The following COQ9 variants were observed in gnomAD, a reference collection of about 807,000 sequenced individuals.
COQ9 encodes ubiquinone biosynthesis protein COQ9, mitochondrial.
A neutral mutation model predicts 42.4 loss-of-function variants in COQ9; 35 were observed. That is an observed-to-expected ratio of 0.83 (90% CI 0.63 to 1.10). COQ9 has a LOEUF of 1.10. Among genes scored for constraint, COQ9 ranks in the 50% least tolerant of loss-of-function variants. COQ9 has a pLI of 0.00. For synonymous variants in COQ9, 155 were observed against 155.1 expected, an observed-to-expected ratio of 1.00 and a Z score of 0.00; for missense variants, 406 against 414.6, an observed-to-expected ratio of 0.98 and a Z score of 0.18.
At chr16:57,453,026 A>G in intron 3 of COQ9, 90 bp downstream of exon 3, 1 of 1,540,132 alleles carries the variant, frequency 6.5e-7, no homozygotes. Flanking sequence ...GCCTTCTTCC[A>G]GTCTAGCTCA....
At chr16:57,456,671 AG>A (rs754082629) in intron 4 of COQ9, 25 bp downstream of exon 4, 3 of 1,609,710 alleles carry the variant, frequency 1.9e-6, no homozygotes, top group African/African-American at 1.3e-5. Context: ...ATTACTACTC[AG>A]GGTGGCAGCT....
chr16:57,452,260 T>C (rs1274118017), intron 2 of COQ9, among the ~76,000 whole-genome samples: 1 of 152,208 alleles, frequency 6.6e-6, no homozygotes, highest in Non-Finnish European at 1.5e-5. Context: ...CAGCAATGCC[T>C]TCATACCACA....
Position 57,452,918 on chromosome 16 carries a change from G to A in COQ9, c.360G>A (p.Ala120=), listed in dbSNP as rs200057404. Residue 120 remains alanine, a synonymous_variant, in exon 3 of 9, where the codon GCG becomes GCA. Transcript: ENST00000262507. ...FVPAHGWTAE[A]IAEGAQSLGL... is the part of the protein sequence containing the mutation. ...CCGCCCACGGGTGGACAGCAGAGGC[G>A]ATTGCAGAAGGAGCCCAGGTGTGTA... 6.8e-6 allele frequency: 11 copies of A among 1,613,554 alleles called. No homozygotes were observed. Among genetic ancestry groups the A allele is most frequent in the South Asian group, 3.3e-5 (3 of 91,058 alleles).
At chr16:57,457,920 TCTTC>T (rs1567580342) in intron 5 of COQ9, among the ~76,000 whole-genome samples, 1 of 151,800 alleles carries the variant, frequency 6.6e-6, no homozygotes, top group African/African-American at 2.4e-5. Flanking sequence ...TATCTCTGCT[TCTTC>T]CTTTGTGTGA....
chr16:57,450,920 G>A (rs1240460552), intron 1 of COQ9, 120 bp from the exon 2 acceptor site: 1 of 1,106,960 alleles, frequency 9.0e-7, no homozygotes, highest in African/African-American at 1.6e-5. Context: ...CCCAACACTT[G>A]GATAAGTGGT....
At chr16:57,452,571 G>A (rs2030312044) in intron 2 of COQ9, among the ~76,000 whole-genome samples, 1 of 152,170 alleles carries the variant, frequency 6.6e-6, no homozygotes, top group South Asian at 2.1e-4. Flanking sequence ...GAACCCGGGA[G>A]GTGGAGGTTG....
intron 1 of COQ9, among the ~76,000 whole-genome samples, chr16:57,448,361 G>A (rs532052672): frequency 1.5e-5 from 2 of 132,790 alleles, no homozygotes; most frequent in East Asian, 4.2e-4. Flanking sequence ...TTTTTTTTCT[G>A]AGACAGGGTC....
rs543111776 is a variant in COQ9 at position 57,447,729 on chromosome 16, G to C, written c.73+151G>C. The stretch of plus-strand genomic sequence containing the variant: ...GCATCGGCGCGGGCTCGGGCGAGCC[G>C]CCTGGCTAGCTTCGGCCCTGCTCCG... On this transcript the variant is annotated intron_variant, in intron 1 of 8. Transcript: ENST00000262507. 4.1e-4 allele frequency: 236 copies of C among 574,262 alleles called. 1 individual carries two copies. In the African/African-American group the frequency reaches 4.4e-3, roughly 11 times the overall value. The allele number at this position is 574,262 out of a possible 1,614,324, so 35.6% of individuals were successfully genotyped here.
intron 6 of COQ9, among the ~76,000 whole-genome samples, chr16:57,459,347 C>G (rs1016516775): frequency 2.6e-5 from 4 of 152,118 alleles, no homozygotes; most frequent in African/African-American, 9.7e-5. Context: ...TCCATTGACT[C>G]TACTCTTAAG....
chr16:57,456,465 T>A, intron 3 of COQ9, 39 bp from the exon 4 acceptor site: 2 of 1,612,694 alleles, frequency 1.2e-6, no homozygotes, highest in Non-Finnish European at 1.7e-6. Flanking sequence ...ACCCTACACT[T>A]GGGCACCGCT....
intron 2 of COQ9, among the ~76,000 whole-genome samples, 166 bp downstream of exon 2, chr16:57,451,374 G>A (rs1166666139): frequency 5.3e-5 from 8 of 151,744 alleles, no homozygotes; most frequent in East Asian, 1.9e-4. Flanking sequence ...TTCTCGCTAC[G>A]TTGACCAGAC....
At position 57,459,684 on chromosome 16, in the gene COQ9, T is replaced by G. The variant is rs748849505; in HGVS notation, c.831T>G (p.Val277=). The G allele has an allele frequency of 4.6e-5, 74 of 1,614,064 alleles. No homozygotes were observed. The highest frequency in any genetic ancestry group is 6.1e-5 in the Non-Finnish European group (72 of 1,180,030). The change falls in exon 7 of 9, where the codon GTT becomes GTG. Residue 277 remains valine, a synonymous_variant. Coordinates refer to ENST00000262507, the MANE Select transcript of COQ9 (RefSeq NM_020312.4). ...CTTGGCGCTTCCTGGAAAACCGGGT[T>G]AATGATGCAATGAACATGGGCCACA... The part of the protein sequence containing the change: ...EDTWRFLENR[V]NDAMNMGHTA...
chr16:57,447,572 C>T lies in COQ9; in HGVS notation c.67C>T (p.Leu23=). Residue 23 remains leucine (L), a synonymous_variant, in exon 1 of 9, where the codon CTG becomes TTG. Transcript: ENST00000262507. The stretch of plus-strand genomic sequence containing the variant: ...CTGGAGGCTCCTGCAGCTGCGATGC[C>T]TGCCCGGTGAGGGGGCTGCCAAGCC... The part of the protein sequence containing the change: ...AGWRLLQLRC[L]PVARCRQALV... 2.3e-6 allele frequency: 3 copies of T among 1,278,802 alleles called. No homozygotes were observed. The highest frequency in any genetic ancestry group is 3.1e-5 in the East Asian group (1 of 32,486). 79.2% of individuals were successfully genotyped at this position (1,278,802 alleles called of 1,614,324 possible). A position where few individuals can be genotyped will look rare whatever the true frequency, so the allele number is the denominator to read the frequency against.
Position 57,460,035 on chromosome 16 carries a change from C to CA in COQ9, c.868-15dup. 1 of 1,613,840 alleles carries CA rather than the reference C, an allele frequency of 6.2e-7. No homozygotes were observed. Among genetic ancestry groups the CA allele is most frequent in the Non-Finnish European group, 8.5e-7 (1 of 1,179,820 alleles). On this transcript the variant is annotated splice_polypyrimidine_tract_variant and intron_variant, in intron 7 of 8. Transcript: ENST00000262507. ...GTGTTGGTGGCCTAAGGGAACCTGACACTGACTCCTTCTAGGTAAAGTCCA... is the reference window on the plus strand; with the variant it reads ...GTGTTGGTGGCCTAAGGGAACCTGACAACTGACTCCTTCTAGGTAAAGTCCA...
In COQ9 at chr16:57,451,062, G is replaced by A; in HGVS notation, c.96G>A (p.Leu32=). ...CLPVARCRQA[L]VPRAFHASAV... is the part of the protein sequence containing the mutation. ...CAGTGGCCCGTTGCCGACAAGCCCTGGTGCCGCGTGCCTTCCATGCTTCAG... is the reference window on the plus strand; with the variant it reads ...CAGTGGCCCGTTGCCGACAAGCCCTAGTGCCGCGTGCCTTCCATGCTTCAG... The change falls in exon 2 of 9, where the codon CTG becomes CTA. Residue 32 remains leucine, a synonymous_variant. Transcript: ENST00000262507. 6.2e-7 allele frequency: 1 copy of A among 1,614,046 alleles called. No individual in the cohort carries two copies. The highest frequency in any genetic ancestry group is 1.1e-5 in the South Asian group (1 of 91,076).
At position 57,461,171 on chromosome 16, in the gene COQ9, GGT is replaced by G; in HGVS notation, c.*551_*552del. The G allele has an allele frequency of 2.2e-6, 1 of 455,920 alleles. No homozygotes were observed. The highest frequency in any genetic ancestry group is 4.4e-6 in the Non-Finnish European group (1 of 226,762). 28.2% of individuals were successfully genotyped at this position (455,920 alleles called of 1,614,324 possible). A position where few individuals can be genotyped will look rare whatever the true frequency, so the allele number is the denominator to read the frequency against. On this transcript the variant is annotated 3_prime_UTR_variant, in exon 9 of 9. Coordinates refer to ENST00000262507, the MANE Select transcript of COQ9 (RefSeq NM_020312.4). The stretch of plus-strand genomic sequence containing the variant: ...CTGAGACAAGTGCCTGCTGGACAGA[GGT>G]GTGATTCCAGGCCTGGTGTCACATG...
In COQ9 at chr16:57,447,488, G is replaced by T. The variant is rs755781708; in HGVS notation, c.-18G>T. 2.3e-6 allele frequency: 3 copies of T among 1,289,258 alleles called. No individual in the cohort carries two copies. Among genetic ancestry groups the T allele is most frequent in the Admixed American group, 7.6e-5 (2 of 26,490 alleles). 79.9% of individuals were successfully genotyped at this position (1,289,258 alleles called of 1,614,324 possible). A position where few individuals can be genotyped will look rare whatever the true frequency, so the allele number is the denominator to read the frequency against. On this transcript the variant is annotated 5_prime_UTR_variant, in exon 1 of 9. Transcript: ENST00000262507. ...AGCTACCGGTCGCGTCGCCGTGGGC[G>T]ACGTGCCCGCTTCCAAAATGGCGGC... is the stretch of plus-strand genomic sequence containing the variant.
intron 6 of COQ9, 98 bp downstream of exon 6, chr16:57,458,448 AG>A: frequency 1.1e-6 from 1 of 902,244 alleles, no homozygotes; most frequent in South Asian, 1.4e-5. Context: ...AAGCCCCTGC[AG>A]GGGGGCTGCA....
At position 57,456,601 on chromosome 16, in the gene COQ9, G is replaced by A. The variant is rs761979107; in HGVS notation, c.476G>A (p.Arg159His). ...ACCCAGTGCAATACCCGGCTCACAC[G>A]TGTGCTAGAAGAGGAGCAGAAGCTG... ...FVTQCNTRLTRVLEEEQKLVQ... is the reference protein window; with the variant it reads ...FVTQCNTRLTHVLEEEQKLVQ... The change falls in exon 4 of 9, where the codon CGT becomes CAT. Residue 159 changes from arginine to histidine, a missense_variant. Transcript: ENST00000262507. 2.7e-5 allele frequency: 44 copies of A among 1,614,016 alleles called. No individual in the cohort carries two copies. The highest frequency in any genetic ancestry group is 6.7e-5 in the African/African-American group (5 of 74,934).
Sources: allele counts gnomAD v4.1 joint callset (sites outside exome capture counted in the v4.1 genomes callset), GRCh38; gene constraint gnomAD v4.1.1; transcripts MANE v1.5; gene names NCBI Gene and HGNC (gene_info 2026-07-23, HGNC 2026-07-21).